Variants in CHST11 observed in about 807,000 individuals in gnomAD.
CHST11 encodes the protein C4S-1.
CHST11 carries 9 observed loss-of-function variants against 30.4 expected under a neutral mutation model. The ratio of observed to expected loss-of-function variants is 0.30; its 90% CI spans 0.18 to 0.52. CHST11 has a LOEUF of 0.52. Among genes scored for constraint, CHST11 ranks in the 20% least tolerant of loss-of-function variants. The probability of loss-of-function intolerance (pLI) is 0.97; values close to 1 mark genes in which losing one functional copy is unlikely to be tolerated. For synonymous variants in CHST11, 152 were observed against 187.8 expected (o/e 0.81, Z 1.56); for missense variants, 348 against 460.6 (o/e 0.76, Z 2.24).
At chr12:104,722,872 T>C (rs1005912723) in intron 2 of CHST11, among the ~76,000 whole-genome samples, 3 of 152,096 alleles carry the variant, frequency 2.0e-5, no homozygotes, top group African/African-American at 7.2e-5. Context: ...TCCAGAACGC[T>C]CATAAGTGTC....
chr12:104,757,952 T>TC lies in CHST11; in HGVS notation c.*150dup. ...CATAGTGAGAATTATTTAAAATCCT[T>TC]CGTAGGGAAGGACAGCTGTCTTTGC... On this transcript the variant is annotated 3_prime_UTR_variant, in exon 3 of 3. Transcript: ENST00000303694. This position sits in a 1 kb window ranked among gnomAD's most constrained non-coding sequence, Gnocchi z 6.5. 1 of 895,958 alleles carries TC rather than the reference T, an allele frequency of 1.1e-6. No homozygotes were observed. Among genetic ancestry groups the TC allele is most frequent in the Non-Finnish European group, 1.6e-6 (1 of 608,638 alleles). 55.5% of individuals were successfully genotyped at this position (895,958 alleles called of 1,614,324 possible).
intron 2 of CHST11, among the ~76,000 whole-genome samples, chr12:104,615,696 G>C (rs1342223144): frequency 6.6e-6 from 1 of 152,222 alleles, no homozygotes; most frequent in Admixed American, 6.5e-5. Context: ...GGAGGCTGAG[G>C]TGGGCAGATC....
chr12:104,591,229 G>A (rs1411062546), intron 1 of CHST11, among the ~76,000 whole-genome samples: 1 of 152,156 alleles, frequency 6.6e-6, no homozygotes, highest in African/African-American at 2.4e-5. Context: ...AAAGACTTTG[G>A]ATTTTGTTCT....
At chr12:104,539,441 G>A (rs1314954579) in intron 1 of CHST11, among the ~76,000 whole-genome samples, 2 of 152,136 alleles carry the variant, frequency 1.3e-5, no homozygotes. Flanking sequence ...AAAAGTATGG[G>A]GACATGGATG....
intron 2 of CHST11, among the ~76,000 whole-genome samples, chr12:104,709,364 T>C (rs560961666): frequency 4.6e-5 from 7 of 152,268 alleles, no homozygotes; most frequent in Non-Finnish European, 7.4e-5. Flanking sequence ...GCAGGTGGCT[T>C]TGGGGACAGG....
rs112533096 is a variant in CHST11, at chr12:104,526,810, C to T, written c.118+69281C>T. Among the ~76,000 whole-genome samples, 985 of 152,328 alleles carry T rather than the reference C, an allele frequency of 6.5e-3. 18 individuals are homozygous for T. The highest frequency in any genetic ancestry group is 0.023 in the African/African-American group (940 of 41,568). ...GGAAGGGTTGCTTTGAGAACCCACA[C>T]AGATAAGTGGACTCCTCCCCACAGG... On this transcript the variant is annotated intron_variant, in intron 1 of 2. Transcript: ENST00000303694.
At chr12:104,583,111 A>G (rs923007653) in intron 1 of CHST11, among the ~76,000 whole-genome samples, 2 of 152,142 alleles carry the variant, frequency 1.3e-5, no homozygotes, top group Non-Finnish European at 2.9e-5. Flanking sequence ...TACTGGGGCC[A>G]TGCCTTCCTG....
At chr12:104,711,360 C>A (rs555071311) in intron 2 of CHST11, among the ~76,000 whole-genome samples, 2 of 152,224 alleles carry the variant, frequency 1.3e-5, no homozygotes, top group Non-Finnish European at 2.9e-5. Context: ...ATGCTTCTTA[C>A]AAAAAGAAAG....
At chr12:104,705,978 G>T (rs1200546327) in intron 2 of CHST11, among the ~76,000 whole-genome samples, 2 of 151,966 alleles carry the variant, frequency 1.3e-5, no homozygotes, top group Non-Finnish European at 2.9e-5. Context: ...CCCAGCTACT[G>T]GGGAGGCTGA....
At chr12:104,745,747 G>A (rs954868801) in intron 2 of CHST11, among the ~76,000 whole-genome samples, 2 of 152,146 alleles carry the variant, frequency 1.3e-5, no homozygotes, top group African/African-American at 4.8e-5. Context: ...CTTGACTATT[G>A]TTGGTGTATG....
chr12:104,571,948 C>T (rs1342630892), intron 1 of CHST11, among the ~76,000 whole-genome samples: 4 of 152,190 alleles, frequency 2.6e-5, no homozygotes, highest in Non-Finnish European at 5.9e-5. Context: ...TGTCAAAGGC[C>T]TTTTCTGCAT....
intron 2 of CHST11, among the ~76,000 whole-genome samples, chr12:104,638,062 CA>C (rs2039342462): frequency 6.6e-6 from 1 of 152,082 alleles, no homozygotes; most frequent in Admixed American, 6.5e-5. Context: ...AAGCACCAGG[CA>C]ATGGTTTACC....
chr12:104,553,909 C>T (rs1300663715), intron 1 of CHST11, among the ~76,000 whole-genome samples: 1 of 152,150 alleles, frequency 6.6e-6, no homozygotes, highest in Non-Finnish European at 1.5e-5. Context: ...CTTAGGGTCT[C>T]TCTCTGGCCT....
chr12:104,747,039 C>T (rs1461651175), intron 2 of CHST11, among the ~76,000 whole-genome samples: 1 of 152,212 alleles, frequency 6.6e-6, no homozygotes, highest in Non-Finnish European at 1.5e-5. Context: ...TAGCTCCTGG[C>T]ATTGGAGCCC....
intron 2 of CHST11, among the ~76,000 whole-genome samples, chr12:104,714,935 G>T (rs557630818): frequency 2.0e-5 from 3 of 152,174 alleles, no homozygotes; most frequent in Non-Finnish European, 4.4e-5. Context: ...ATCCAGACCC[G>T]AAGCAAGCTG....
chr12:104,469,172 T>G (rs2037485116), intron 1 of CHST11, among the ~76,000 whole-genome samples: 1 of 152,220 alleles, frequency 6.6e-6, no homozygotes, highest in Non-Finnish European at 1.5e-5. Flanking sequence ...ACTGAAAGGA[T>G]CTGACTTCTA....
chr12:104,514,876 A>G (rs1469475436), intron 1 of CHST11, among the ~76,000 whole-genome samples: 2 of 152,204 alleles, frequency 1.3e-5, no homozygotes, highest in East Asian at 1.9e-4. Flanking sequence ...TATCTGAACT[A>G]TATCAATGAG....
intron 1 of CHST11, among the ~76,000 whole-genome samples, chr12:104,569,630 G>A (rs140779998): frequency 1.3e-5 from 2 of 152,256 alleles, no homozygotes; most frequent in African/African-American, 2.4e-5. Flanking sequence ...ATAATGAAGT[G>A]GGGGAGATTC....
chr12:104,585,457 A>G (rs1018144849), intron 1 of CHST11, among the ~76,000 whole-genome samples: 1 of 152,362 alleles, frequency 6.6e-6, no homozygotes, highest in African/African-American at 2.4e-5. Context: ...GGGAGTGGAC[A>G]ATTAGAAATG....
Sources: allele counts gnomAD v4.1 joint callset (sites outside exome capture counted in the v4.1 genomes callset), GRCh38; gene constraint gnomAD v4.1.1; non-coding constraint Gnocchi (gnomAD v3.1); transcripts MANE v1.5; gene names NCBI Gene and HGNC (gene_info 2026-07-23, HGNC 2026-07-21).